The following NR2C1 variants were observed in gnomAD, a reference collection of about 807,000 sequenced individuals.
The protein encoded by NR2C1 is TR2 nuclear hormone receptor.
In NR2C1, 33 loss-of-function variants were observed where a neutral mutation model predicts 74.8. The observed-to-expected ratio is 0.44, with a 90% CI of 0.33 to 0.59. The LOEUF is 0.59. Among genes scored for constraint, NR2C1 ranks in the 20% least tolerant of loss-of-function variants. The pLI is 0.02. For missense variants in NR2C1, 568 were observed against 715.6 expected (o/e 0.79, Z 2.35); for synonymous variants, 225 against 240.6 (o/e 0.94, Z 0.60).
intron 10 of NR2C1, among the ~76,000 whole-genome samples, chr12:95,035,420 T>TAACC (rs919653164): frequency 1.3e-5 from 2 of 152,146 alleles, no homozygotes; most frequent in Admixed American, 6.5e-5. Flanking sequence ...AGGAAACAGC[T>TAACC]AACCAAAGTA....
rs1315154711 is a variant in NR2C1 at position 95,021,638 on chromosome 12, C to T, written c.*591G>A. On this transcript the variant is annotated 3_prime_UTR_variant, in exon 14 of 14. Coordinates refer to ENST00000333003, the MANE Select transcript of NR2C1 (RefSeq NM_003297.4). ...TTAAGATCATGAATGGCCTGTCTCA[C>T]TGCCAGCAATGAGAGTAGTATATGC... The T allele has an allele frequency of 6.6e-6, 1 of 151,650 alleles. No individual in the cohort carries two copies. Among genetic ancestry groups the T allele is most frequent in the Non-Finnish European group, 1.5e-5 (1 of 67,808 alleles). 9.4% of individuals were successfully genotyped at this position (151,650 alleles called of 1,614,324 possible). A position where few individuals can be genotyped will look rare whatever the true frequency, so the allele number is the denominator to read the frequency against.
intron 13 of NR2C1, among the ~76,000 whole-genome samples, chr12:95,023,199 T>C (rs928784192): frequency 2.6e-5 from 4 of 151,990 alleles, no homozygotes; most frequent in Non-Finnish European, 5.9e-5. Flanking sequence ...GGTGAAACCT[T>C]GTCTCTACTA....
intron 10 of NR2C1, among the ~76,000 whole-genome samples, chr12:95,033,682 C>T (rs1870440722): frequency 6.6e-6 from 1 of 152,210 alleles, no homozygotes; most frequent in South Asian, 2.1e-4. Flanking sequence ...CATTATTCCT[C>T]TCTCAACATA....
intron 4 of NR2C1, 128 bp downstream of exon 4, chr12:95,059,778 A>T: frequency 1.5e-6 from 1 of 652,104 alleles, no homozygotes; most frequent in Non-Finnish European, 2.5e-6. Context: ...TAAAAACGAC[A>T]TACTCCTTTA....
At chr12:95,072,284 ACAAAAACAAAAAC>A (rs1359435497) in intron 1 of NR2C1, among the ~76,000 whole-genome samples, 4 of 133,304 alleles carry the variant, frequency 3.0e-5, no homozygotes, top group African/African-American at 1.2e-4. Flanking sequence ...AAAAACAAAA[ACAAAAACAAAAAC>A]AAAAAAACTA....
intron 9 of NR2C1, among the ~76,000 whole-genome samples, chr12:95,048,146 C>T (rs968992851): frequency 1.3e-5 from 2 of 152,050 alleles, no homozygotes; most frequent in African/African-American, 4.8e-5. Context: ...GGCTGGTCTC[C>T]AACTCCTGGA....
chr12:95,033,786 A>G (rs545966602), intron 10 of NR2C1, among the ~76,000 whole-genome samples: 11 of 152,334 alleles, frequency 7.2e-5, no homozygotes, highest in Admixed American at 2.6e-4. Flanking sequence ...AATGCAGTAC[A>G]TGGTACACAG....
chr12:95,057,861 T>G lies in NR2C1; in HGVS notation c.562A>C (p.Lys188Gln). ...TTTTCTCGTGATACTTCAATGGGTT[T>G]TCTTTCACATTGGACAGCTACAAAA... ...MKQDSVQCER[K>Q]PIEVSREKSS... The change falls in exon 6 of 14, where the codon AAA (lysine) becomes CAA (glutamine). Residue 188 changes from lysine to glutamine, a missense_variant. By Grantham distance (53) the Lys-to-Gln change is moderately conservative (BLOSUM62 1). Coordinates refer to ENST00000333003, the MANE Select transcript of NR2C1 (RefSeq NM_003297.4). 1 of 1,613,596 alleles carries G rather than the reference T, an allele frequency of 6.2e-7. No individual in the cohort carries two copies. The highest frequency in any genetic ancestry group is 8.5e-7 in the Non-Finnish European group (1 of 1,179,610).
At chr12:95,059,341 A>G (rs1477692089) in intron 4 of NR2C1, among the ~76,000 whole-genome samples, 3 of 152,096 alleles carry the variant, frequency 2.0e-5, no homozygotes, top group Non-Finnish European at 1.5e-5. Context: ...TTCACTTTCA[A>G]AAGTGAAATA....
chr12:95,061,606 A>C (rs1874793115), intron 3 of NR2C1, among the ~76,000 whole-genome samples: 1 of 152,210 alleles, frequency 6.6e-6, no homozygotes, highest in Non-Finnish European at 1.5e-5. Flanking sequence ...TCATTGGATG[A>C]ATAGATGATA....
chr12:95,055,523 C>G (rs1409781753), intron 7 of NR2C1, among the ~76,000 whole-genome samples: 2 of 152,114 alleles, frequency 1.3e-5, no homozygotes, highest in Admixed American at 6.6e-5. Context: ...AAATAACTTG[C>G]CTAATGTTAT....
intron 2 of NR2C1, among the ~76,000 whole-genome samples, chr12:95,066,514 C>A (rs932110140): frequency 6.6e-6 from 1 of 152,030 alleles, no homozygotes; most frequent in African/African-American, 2.4e-5. Context: ...ATTTTAATAC[C>A]CTTTTCAAAC....
intron 12 of NR2C1, chr12:95,025,485 C>A (rs1869243898): frequency 3.6e-6 from 1 of 276,724 alleles, no homozygotes. Context: ...ATGGAGAAGC[C>A]CCATCTCTAC....
rs1872926398 is a variant in NR2C1 at position 95,050,999 on chromosome 12, C to T, written c.965+763G>A. Among the ~76,000 whole-genome samples, 3 of 152,066 alleles carry T rather than the reference C, an allele frequency of 2.0e-5. No homozygotes were observed. In the South Asian group the frequency reaches 6.2e-4, roughly 32 times the overall value. Reference sequence around the variant, plus strand: ...TCTTCATCTTTAGAAGAAAAAATTCCTAGGTTTTAAGACCACATTTCTAAT... The same window carrying T: ...TCTTCATCTTTAGAAGAAAAAATTCTTAGGTTTTAAGACCACATTTCTAAT... On this transcript the variant is annotated intron_variant, in intron 8 of 13. Coordinates refer to ENST00000333003, the MANE Select transcript of NR2C1 (RefSeq NM_003297.4).
chr12:95,034,209 T>C (rs963348037), intron 10 of NR2C1, among the ~76,000 whole-genome samples: 2 of 152,126 alleles, frequency 1.3e-5, no homozygotes, highest in African/African-American at 4.8e-5. Context: ...GAATTATTAA[T>C]GTGAAATTTT....
Position 95,057,620 on chromosome 12 carries a change from C to G in NR2C1, c.716G>C (p.Gly239Ala). 1.2e-6 allele frequency: 2 copies of G among 1,614,050 alleles called. No individual in the cohort carries two copies. Among genetic ancestry groups the G allele is most frequent in the Non-Finnish European group, 1.7e-6 (2 of 1,179,984 alleles). Residue 239 changes from glycine (G) to alanine (A), a missense_variant, in exon 7 of 14, where the codon GGA (glycine) becomes GCA (alanine). Transcript: ENST00000333003. Reference protein sequence around the residue: ...STRSTGLLDSGMFMNIHPSGV... With the variant: ...STRSTGLLDSAMFMNIHPSGV... ...AGATGGATGAATATTCATGAACATT[C>G]CTGAATCTAACAGTCCTGTTGACCT... is the stretch of plus-strand genomic sequence containing the variant.
chr12:95,025,127 AT>A, intron 13 of NR2C1, 22 bp downstream of exon 13: 1 of 1,063,856 alleles, frequency 9.4e-7, no homozygotes, highest in Non-Finnish European at 1.4e-6. Context: ...TATTTTAATT[AT>A]ATAGAATTTA....
chr12:95,065,216 CTT>C (rs1875479874), intron 2 of NR2C1, among the ~76,000 whole-genome samples: 1 of 151,864 alleles, frequency 6.6e-6, no homozygotes, highest in Admixed American at 6.6e-5. Context: ...GAGTTTTACT[CTT>C]GTTGCCCAGG....
intron 9 of NR2C1, among the ~76,000 whole-genome samples, chr12:95,045,838 T>C (rs1187490687): frequency 6.6e-6 from 1 of 151,974 alleles, no homozygotes; most frequent in African/African-American, 2.4e-5. Context: ...TTAATAAAAA[T>C]CTTTTTCTTT....
Sources: gnomAD v4.1 joint callset for allele counts (sites outside exome capture counted in the v4.1 genomes callset) on GRCh38, gnomAD v4.1.1 for gene constraint, MANE v1.5 for transcripts, NCBI Gene and HGNC (gene_info 2026-07-23, HGNC 2026-07-21) for gene names.